The following CENPF variants were observed in gnomAD, a reference collection of about 807,000 sequenced individuals.
CENPF encodes centromere protein F.
Under a neutral mutation model 307.3 loss-of-function variants are expected in CENPF, and 214 were observed. That is an observed-to-expected ratio of 0.70 (90% CI 0.62 to 0.78). The LOEUF (loss-of-function observed/expected upper bound fraction) is 0.78, where lower values mean the gene tolerates loss of function less well. Ranked by LOEUF, CENPF falls within the 30% of genes least tolerant of loss-of-function variation. CENPF has a pLI of 0.00. For synonymous variants in CENPF, 1,259 were observed against 1,270.6 expected (o/e 0.99, Z 0.19); for missense variants, 3,401 against 3,483.9 (o/e 0.98, Z 0.60).
At chr1:214,632,912 A>AC (rs1657848239) in intron 10 of CENPF, among the ~76,000 whole-genome samples, 1 of 152,158 alleles carries the variant, frequency 6.6e-6, no homozygotes, top group Admixed American at 6.5e-5. Flanking sequence ...ATTGTTTTAG[A>AC]CCCCCAGGGA....
intron 3 of CENPF, among the ~76,000 whole-genome samples, chr1:214,618,181 A>G (rs374919635): frequency 4.5e-4 from 68 of 152,292 alleles, no homozygotes; most frequent in African/African-American, 7.2e-4. Flanking sequence ...CCATGATTCA[A>G]TCACCTCTCA....
chr1:214,609,212 C>G (rs954516858), intron 1 of CENPF, among the ~76,000 whole-genome samples: 1 of 152,196 alleles, frequency 6.6e-6, no homozygotes, highest in Non-Finnish European at 1.5e-5. Flanking sequence ...CCGAAGAATC[C>G]GCTTTGAATC....
intron 1 of CENPF, chr1:214,608,460 C>T: frequency 1.9e-6 from 3 of 1,613,188 alleles, no homozygotes; most frequent in South Asian, 2.2e-5. Flanking sequence ...AGAAGCTGCT[C>T]ATCTGGCCCA....
intron 9 of CENPF, 65 bp downstream of exon 9, chr1:214,630,727 T>C (rs1225064857): frequency 7.0e-6 from 11 of 1,566,988 alleles, no homozygotes; most frequent in Non-Finnish European, 9.5e-6. Flanking sequence ...TTGTTACTTC[T>C]CTACCATAAC....
At position 214,641,555 on chromosome 1, in the gene CENPF, C is replaced by A; in HGVS notation, c.3217C>A (p.Gln1073Lys). Reference sequence around the variant, plus strand: ...TGAAAATAGGAAAAATGAGTTGGAACAGCTAAAGGAAGCATTTGCAAAGGA... The same window carrying A: ...TGAAAATAGGAAAAATGAGTTGGAAAAGCTAAAGGAAGCATTTGCAAAGGA... ...LCENRKNELE[Q>K]LKEAFAKEHQ... Residue 1073 changes from glutamine to lysine, a missense_variant, in exon 12 of 20, where the codon CAG becomes AAG. Physicochemically the swap from Gln to Lys is moderately conservative, Grantham distance 53. Coordinates refer to ENST00000366955, the MANE Select transcript of CENPF (RefSeq NM_016343.4). The A allele has an allele frequency of 6.6e-7, 1 of 1,522,476 alleles. No individual in the cohort carries two copies. The highest frequency in any genetic ancestry group is 1.3e-5 in the South Asian group (1 of 74,388). The allele number at this position is 1,522,476 out of a possible 1,614,324, so 94.3% of individuals were successfully genotyped here.
At chr1:214,629,278 C>T in intron 8 of CENPF, 107 bp downstream of exon 8, 2 of 1,103,832 alleles carry the variant, frequency 1.8e-6, no homozygotes, top group Non-Finnish European at 2.5e-6. Context: ...GGGAAATTCT[C>T]TTAGAGGAGA....
In CENPF at chr1:214,663,784, A is replaced by G; in HGVS notation, c.9335A>G (p.Lys3112Arg). Residue 3112 changes from lysine (K) to arginine (R), a missense_variant, in exon 20 of 20, where the codon AAG (lysine) becomes AGG (arginine). Transcript: ENST00000366955. ...GAGTCCAACGGCAGTGAGAACTGTA[A>G]GGTCCAGTGAAGGCACTTTGTGTGT... Reference protein sequence around the residue: ...GLESNGSENCKVQ With the variant: ...GLESNGSENCRVQ The G allele has an allele frequency of 6.2e-7, 1 of 1,613,758 alleles. No individual in the cohort carries two copies.
intron 8 of CENPF, 84 bp from the exon 9 acceptor site, chr1:214,630,450 C>A: frequency 6.6e-7 from 1 of 1,525,240 alleles, no homozygotes; most frequent in Non-Finnish European, 9.0e-7. Flanking sequence ...TCTGTGCAGT[C>A]GCCTGTTAGG....
chr1:214,632,561 G>A lies in CENPF; in HGVS notation c.1405G>A (p.Ala469Thr). The change falls in exon 10 of 20, where the codon GCG (alanine) becomes ACG (threonine). Residue 469 changes from alanine to threonine, a missense_variant. Coordinates refer to ENST00000366955, the MANE Select transcript of CENPF (RefSeq NM_016343.4). Reference protein sequence around the residue: ...KLCRAEQAFQASQIKENELRR... With the variant: ...KLCRAEQAFQTSQIKENELRR... ...GTGCAGAGCTGAACAGGCGTTCCAG[G>A]CGAGTCAGATCAAGGAGAATGAGCT... 6.2e-7 allele frequency: 1 copy of A among 1,614,088 alleles called. No individual in the cohort carries two copies. The highest frequency in any genetic ancestry group is 1.7e-5 in the Admixed American group (1 of 60,018).
At chr1:214,616,877 CT>C (rs1169721805) in intron 3 of CENPF, among the ~76,000 whole-genome samples, 8 of 102,304 alleles carry the variant, frequency 7.8e-5, no homozygotes, top group Admixed American at 3.2e-4. Context: ...TTCTTTCTTT[CT>C]TTCTTTCTTT....
At position 214,643,126 on chromosome 1, in the gene CENPF, C is replaced by T. The variant is rs1658179279; in HGVS notation, c.4788C>T (p.Asp1596=). 6.2e-7 allele frequency: 1 copy of T among 1,601,240 alleles called. No homozygotes were observed. Among genetic ancestry groups the T allele is most frequent in the Non-Finnish European group, 8.5e-7 (1 of 1,176,000 alleles). The stretch of plus-strand genomic sequence containing the variant: ...TAAGTTCTGAAAGGCAAGAGCTTGA[C>T]TGCCTTAGGAAGCAGTATTTGTCAG... The part of the protein sequence containing the change: ...QLLSSERQEL[D]CLRKQYLSEN... Residue 1596 remains aspartate, a synonymous_variant, in exon 12 of 20, where the codon GAC becomes GAT. Transcript: ENST00000366955.
intron 7 of CENPF, among the ~76,000 whole-genome samples, chr1:214,623,344 G>T (rs1459962503): frequency 6.6e-6 from 1 of 152,116 alleles, no homozygotes; most frequent in African/African-American, 2.4e-5. Flanking sequence ...ATCTAGAGAT[G>T]ATTTAAAGTG....
chr1:214,615,006 A>T lies in CENPF; in HGVS notation c.337A>T (p.Lys113Ter). Residue 113 changes from lysine to a stop codon, truncating the protein, a stop_gained, in exon 3 of 20, where the codon AAA (lysine) becomes TAA (stop). Transcript: ENST00000366955. LOFTEE classifies it high-confidence loss of function. Reference protein sequence around the residue: ...QLNSGKKQIEKLEQELKRCKS... With the variant: ...QLNSGKKQIE ...GAATTCAGGCAAAAAACAAATAGAAAAACTGGAACAGGAACTTAAAAGGTA... is the reference window on the plus strand; with the variant it reads ...GAATTCAGGCAAAAAACAAATAGAATAACTGGAACAGGAACTTAAAAGGTA... The T allele has an allele frequency of 6.2e-7, 1 of 1,602,242 alleles. No individual in the cohort carries two copies. The highest frequency in any genetic ancestry group is 8.5e-7 in the Non-Finnish European group (1 of 1,175,918).
chr1:214,609,528 T>A (rs1657144614), intron 1 of CENPF, among the ~76,000 whole-genome samples: 1 of 152,036 alleles, frequency 6.6e-6, no homozygotes, highest in African/African-American at 2.4e-5. Context: ...TTGTCATGCA[T>A]TTTCTTTGTT....
chr1:214,658,763 C>T, intron 18 of CENPF, 87 bp from the exon 19 acceptor site: 3 of 1,350,076 alleles, frequency 2.2e-6, no homozygotes, highest in Non-Finnish European at 3.1e-6. Context: ...TTTGCATTAT[C>T]CTTGTTAAAA....
intron 16 of CENPF, 114 bp from the exon 17 acceptor site, chr1:214,655,127 G>C (rs1658594580): frequency 1.5e-6 from 1 of 645,518 alleles, no homozygotes; most frequent in Non-Finnish European, 2.4e-6. Context: ...GTTTTGTATT[G>C]AATCTAATAA....
At position 214,653,055 on chromosome 1, in the gene CENPF, T is replaced by G. The variant is rs1451903741; in HGVS notation, c.8322+66T>G. Reference sequence around the variant, plus strand: ...ATACAGGTGGTAGTGATTTTAATGGTATAGCATTAAACGTTTTCATTTTCA... The same window carrying G: ...ATACAGGTGGTAGTGATTTTAATGGGATAGCATTAAACGTTTTCATTTTCA... On this transcript the variant is annotated intron_variant, in intron 16 of 19. Coordinates refer to ENST00000366955, the MANE Select transcript of CENPF (RefSeq NM_016343.4). 5 of 1,389,986 alleles carry G rather than the reference T, an allele frequency of 3.6e-6. No homozygotes were observed. The South Asian group carries it at 5.9e-5, about 16-fold the overall frequency. The allele number at this position is 1,389,986 out of a possible 1,614,324, so 86.1% of individuals were successfully genotyped here. A position where few individuals can be genotyped will look rare whatever the true frequency, so the allele number is the denominator to read the frequency against.
chr1:214,619,838 G>A (rs1459387393), intron 5 of CENPF, among the ~76,000 whole-genome samples: 3 of 152,078 alleles, frequency 2.0e-5, no homozygotes, highest in African/African-American at 4.8e-5. Context: ...TCATTTTGAT[G>A]TCATTAGGAT....
intron 1 of CENPF, chr1:214,606,114 C>T (rs1198705018): frequency 1.9e-6 from 3 of 1,560,442 alleles, no homozygotes; most frequent in African/African-American, 1.4e-5. Flanking sequence ...CCGCGGCCTC[C>T]GACGCGCGCG....
Sources: gnomAD v4.1 joint callset for allele counts (sites outside exome capture counted in the v4.1 genomes callset) on GRCh38, gnomAD v4.1.1 for gene constraint, MANE v1.5 for transcripts, NCBI Gene and HGNC (gene_info 2026-07-23, HGNC 2026-07-21) for gene names.